MYO1F: variants seen among roughly 807,000 people sequenced by gnomAD.
MYO1F encodes the protein myosin IF.
In MYO1F, 60 loss-of-function variants were observed where a neutral mutation model predicts 146.6. The ratio of observed to expected loss-of-function variants is 0.41; its 90% CI spans 0.33 to 0.51. The LOEUF (loss-of-function observed/expected upper bound fraction) is 0.51. MYO1F is among the 20% of genes least tolerant of loss of function. MYO1F has a pLI of 0.25. For missense variants in MYO1F, 1,274 were observed against 1,534.3 expected (o/e 0.83, Z 2.83); for synonymous variants, 602 against 602.1 (o/e 1.00, Z 0.00).
In MYO1F at chr19:8,566,137, T is replaced by C. The variant is rs150193994; in HGVS notation, c.4-10341A>G. ...CCAAACACCAAACTAGCACTTATTCTGTGTACCAGGCTCCAGTCTATGTCT... is the reference window on the plus strand; with the variant it reads ...CCAAACACCAAACTAGCACTTATTCCGTGTACCAGGCTCCAGTCTATGTCT... On this transcript the variant is annotated intron_variant, in intron 1 of 27. Transcript: ENST00000644032. Among the ~76,000 whole-genome samples the C allele has an allele frequency of 1.1e-4, 16 of 149,452 alleles. No individual in the cohort carries two copies. The East Asian group carries it at 3.2e-3, about 30-fold the overall frequency.
At chr19:8,543,780 GTGGTGC>G (rs1225189335) in intron 14 of MYO1F, among the ~76,000 whole-genome samples, 2 of 10,628 alleles carry the variant, frequency 1.9e-4, no homozygotes, top group Admixed American at 1.9e-3. Context: ...GGTGGTGCTG[GTGGTGC>G]TGGTGGTGGT....
At chr19:8,572,811 T>G (rs2042135293) in intron 1 of MYO1F, among the ~76,000 whole-genome samples, 1 of 152,174 alleles carries the variant, frequency 6.6e-6, no homozygotes. Context: ...TCTTCCCACC[T>G]CAGCTTCCCA....
At chr19:8,558,960 C>T (rs747040239) in intron 1 of MYO1F, among the ~76,000 whole-genome samples, 74 of 152,086 alleles carry the variant, frequency 4.9e-4, no homozygotes, top group Non-Finnish European at 9.4e-4. Context: ...CTCACTGCTA[C>T]CTCTGCCTGC....
At chr19:8,526,702 G>C in intron 23 of MYO1F, 87 bp downstream of exon 23, 1 of 1,532,176 alleles carries the variant, frequency 6.5e-7, no homozygotes, top group Non-Finnish European at 8.8e-7. Context: ...CGGGGCCGAA[G>C]CGCAGTTCGG....
chr19:8,544,040 G>T, intron 14 of MYO1F: 1 of 561,980 alleles, frequency 1.8e-6, no homozygotes. Context: ...CGGTGGCGGT[G>T]CTGGTGGTGG....
chr19:8,568,311 T>A (rs1411157993), intron 1 of MYO1F, among the ~76,000 whole-genome samples: 1 of 146,604 alleles, frequency 6.8e-6, no homozygotes, highest in East Asian at 2.1e-4. Context: ...TAGTCCCAGC[T>A]CCTCGGGAGG....
At chr19:8,550,470 G>T in intron 9 of MYO1F, 92 bp downstream of exon 9, 1 of 1,608,330 alleles carries the variant, frequency 6.2e-7, no homozygotes, top group Non-Finnish European at 8.5e-7. Flanking sequence ...TTTTTTCCTC[G>T]TGGGCTTTCA....
chr19:8,548,400 A>G (rs1015118854), intron 10 of MYO1F, 83 bp from the exon 11 acceptor site: 15 of 1,292,738 alleles, frequency 1.2e-5, no homozygotes, highest in Non-Finnish European at 1.7e-5. Context: ...ACACACGCCT[A>G]GCCAACTTCA....
chr19:8,559,336 T>TGGGGGG (rs1156978401), intron 1 of MYO1F, among the ~76,000 whole-genome samples: 4 of 21,840 alleles, frequency 1.8e-4, no homozygotes, highest in Non-Finnish European at 2.2e-4. Flanking sequence ...CTTGAGGGGG[T>TGGGGGG]GGGGGGTGGG....
At chr19:8,551,404 T>C (rs894471871) in intron 8 of MYO1F, 111 of 335,804 alleles carry the variant, frequency 3.3e-4, no homozygotes, top group African/African-American at 2.6e-3. Context: ...CAGGCTGGAG[T>C]GCAGTAGTGT....
intron 10 of MYO1F, 92 bp downstream of exon 10, chr19:8,550,068 G>A: frequency 1.4e-6 from 2 of 1,429,226 alleles, no homozygotes; most frequent in Non-Finnish European, 1.9e-6. Context: ...CCAAAGCATT[G>A]GGATTGCAGC....
chr19:8,574,553 T>TC (rs2042171061), intron 1 of MYO1F, among the ~76,000 whole-genome samples: 1 of 85,658 alleles, frequency 1.2e-5, no homozygotes, highest in African/African-American at 5.5e-5. Context: ...CTTTCTTTCT[T>TC]TCTTTCTTTC....
rs373457402 is a variant in MYO1F at position 8,540,427 on chromosome 19, A to C, written c.1611-399T>G. The C allele has an allele frequency of 6.5e-5, 10 of 153,408 alleles. No homozygotes were observed. The South Asian group carries it at 2.0e-3, about 31-fold the overall frequency. 9.5% of individuals were successfully genotyped at this position (153,408 alleles called of 1,614,324 possible). A position where few individuals can be genotyped will look rare whatever the true frequency, so the allele number is the denominator to read the frequency against. The stretch of plus-strand genomic sequence containing the variant: ...ATTGTACATTTTAAAATGGTTAATA[A>C]GGCCGGGTGCGGTGGTGCATGCCTG... On this transcript the variant is annotated intron_variant, in intron 15 of 27. Coordinates refer to ENST00000644032, the MANE Select transcript of MYO1F (RefSeq NM_012335.4).
At chr19:8,527,517 T>C (rs1389194721) in intron 21 of MYO1F, 34 bp from the exon 22 acceptor site, 4 of 1,610,482 alleles carry the variant, frequency 2.5e-6, no homozygotes, top group East Asian at 4.5e-5. Flanking sequence ...CTGATGCCTG[T>C]AGCCTGGCCA....
At chr19:8,575,266 G>A (rs1340653815) in intron 1 of MYO1F, among the ~76,000 whole-genome samples, 3 of 151,252 alleles carry the variant, frequency 2.0e-5, no homozygotes, top group Non-Finnish European at 2.9e-5. Context: ...TAGGAGAGAC[G>A]GGGTCTCACC....
chr19:8,544,621 C>G (rs1005951727), intron 13 of MYO1F, among the ~76,000 whole-genome samples, 157 bp from the exon 14 acceptor site: 1 of 150,518 alleles, frequency 6.6e-6, no homozygotes. Flanking sequence ...AATACAAGCA[C>G]AAAAGGCGTT....
Position 8,577,231 on chromosome 19 carries a change from G to A in MYO1F, c.3+76C>T. 1 of 1,565,450 alleles carries A rather than the reference G, an allele frequency of 6.4e-7. No individual in the cohort carries two copies. The highest frequency in any genetic ancestry group is 2.3e-5 in the East Asian group (1 of 44,146). On this transcript the variant is annotated intron_variant, in intron 1 of 27. Coordinates refer to ENST00000644032, the MANE Select transcript of MYO1F (RefSeq NM_012335.4). This position sits in a 1 kb window ranked among gnomAD's most constrained non-coding sequence, Gnocchi z 4.3. ...CCTCCCCTCACCCCAATTTCTGATG[G>A]TCATTTTTAGGACACCTCCACCTGG...
chr19:8,556,802 G>A (rs1332230929), intron 1 of MYO1F, among the ~76,000 whole-genome samples: 2 of 149,584 alleles, frequency 1.3e-5, no homozygotes, highest in Non-Finnish European at 3.0e-5. Flanking sequence ...CAGGAGAATC[G>A]CTTGAACCTG....
intron 2 of MYO1F, among the ~76,000 whole-genome samples, chr19:8,555,199 A>G (rs1973792372): frequency 6.7e-6 from 1 of 149,738 alleles, no homozygotes. Context: ...AACACAAAAC[A>G]CAAAAAGCAA....
Sources: allele counts gnomAD v4.1 joint callset (sites outside exome capture counted in the v4.1 genomes callset), GRCh38; gene constraint gnomAD v4.1.1; non-coding constraint Gnocchi (gnomAD v3.1); transcripts MANE v1.5; gene names NCBI Gene and HGNC (gene_info 2026-07-23, HGNC 2026-07-21).